The following HYDIN variants were observed in gnomAD, a reference collection of about 807,000 sequenced individuals.
The protein encoded by HYDIN is HYDIN axonemal central pair apparatus protein.
A neutral mutation model predicts 403.9 loss-of-function variants in HYDIN; 132 were observed. The ratio of observed to expected loss-of-function variants is 0.33; its 90% CI spans 0.28 to 0.38. The LOEUF (loss-of-function observed/expected upper bound fraction) is 0.38, where lower values mean the gene tolerates loss of function less well. Among genes scored for constraint, HYDIN ranks in the 10% least tolerant of loss-of-function variants. The pLI, the probability that HYDIN is intolerant of heterozygous loss-of-function variation, is 1.00. For missense variants in HYDIN, 2,827 were observed against 5,009.5 expected (o/e 0.56, Z 13.15); for synonymous variants, 1,202 against 1,891.7 (o/e 0.64, Z 9.46).
chr16:70,902,821 A>ATTTTTT (rs60618592), intron 52 of HYDIN, among the ~76,000 whole-genome samples: 11 of 47,308 alleles, frequency 2.3e-4, no homozygotes, highest in African/African-American at 1.2e-3. Context: ...ATATATATAT[A>ATTTTTT]TTTTTTTTTT....
chr16:71,106,227 C>A (rs1323562147), intron 10 of HYDIN, among the ~76,000 whole-genome samples: 2 of 151,426 alleles, frequency 1.3e-5, no homozygotes, highest in Non-Finnish European at 2.9e-5. Flanking sequence ...ACTTGCAATT[C>A]TTTGCCACTT....
chr16:71,061,078 T>TG (rs1269680983), intron 17 of HYDIN, among the ~76,000 whole-genome samples: 1 of 137,712 alleles, frequency 7.3e-6, no homozygotes. Flanking sequence ...TTGTGAGGGT[T>TG]GGAGATTGAA....
intron 45 of HYDIN, among the ~76,000 whole-genome samples, chr16:70,933,884 T>C (rs2077423432): frequency 6.6e-6 from 1 of 151,980 alleles, no homozygotes; most frequent in Non-Finnish European, 1.5e-5. Context: ...TCCAACCCAT[T>C]ATGTATGATC....
chr16:71,203,865 G>C (rs1448573044), intron 1 of HYDIN: 3 of 453,380 alleles, frequency 6.6e-6, no homozygotes, highest in Non-Finnish European at 1.3e-5. Context: ...AGGAGTTTAA[G>C]ACCAGCCTGT....
chr16:71,022,246 GAGA>G (rs1242771143), intron 21 of HYDIN, among the ~76,000 whole-genome samples: 25 of 152,166 alleles, frequency 1.6e-4, no homozygotes, highest in Admixed American at 1.6e-3. Flanking sequence ...GGCTACTGAT[GAGA>G]AGGAGTCAAG....
intron 50 of HYDIN, among the ~76,000 whole-genome samples, chr16:70,905,388 A>G (rs1271631281): frequency 6.6e-6 from 1 of 152,188 alleles, no homozygotes; most frequent in East Asian, 1.9e-4. Context: ...TCACGCCTGT[A>G]ATCCAGCACT....
chr16:70,885,728 T>C (rs975748449), intron 58 of HYDIN, among the ~76,000 whole-genome samples: 15 of 151,624 alleles, frequency 9.9e-5, no homozygotes, highest in Non-Finnish European at 1.5e-4. Flanking sequence ...GAAGATATGG[T>C]AGGCAAAGAA....
chr16:70,816,209 A>G (rs1442709377), intron 84 of HYDIN, among the ~76,000 whole-genome samples: 4 of 152,200 alleles, frequency 2.6e-5, no homozygotes, highest in African/African-American at 9.6e-5. Context: ...ACACTGGGCC[A>G]TAAAAACAAG....
intron 7 of HYDIN, among the ~76,000 whole-genome samples, chr16:71,141,529 T>A: frequency 6.6e-6 from 1 of 151,604 alleles, no homozygotes; most frequent in East Asian, 1.9e-4. Context: ...TCCAAAAACT[T>A]GACTGTAAAA....
chr16:71,032,164 C>T (rs899113675), intron 18 of HYDIN, among the ~76,000 whole-genome samples: 4 of 151,990 alleles, frequency 2.6e-5, no homozygotes, highest in East Asian at 1.9e-4. Context: ...ACATCTCTTT[C>T]GCAAGATAAC....
At chr16:70,869,716 C>T (rs1273973174) in intron 65 of HYDIN, among the ~76,000 whole-genome samples, 6 of 148,536 alleles carry the variant, frequency 4.0e-5, no homozygotes, top group South Asian at 2.2e-4. Context: ...TACCCAGTCT[C>T]GGGTATGTCT....
intron 10 of HYDIN, among the ~76,000 whole-genome samples, chr16:71,094,634 T>C (rs1391337168): frequency 2.6e-5 from 4 of 152,294 alleles, no homozygotes; most frequent in East Asian, 1.9e-4. Flanking sequence ...TCTTCATGTA[T>C]TGAGGAAGTG....
Position 70,840,275 on chromosome 16 carries a change from T to G in HYDIN, c.12874-42A>C, listed in dbSNP as rs761517154. On this transcript the variant is annotated intron_variant, in intron 75 of 85. Coordinates refer to ENST00000393567, the MANE Select transcript of HYDIN (RefSeq NM_001270974.2). ...GCAGGGGGACCATGATTAGGAGAAGTAGGAGGAGAGGGCTCTTAAGTCCTC... is the reference window on the plus strand; with the variant it reads ...GCAGGGGGACCATGATTAGGAGAAGGAGGAGGAGAGGGCTCTTAAGTCCTC... The G allele has an allele frequency of 4.5e-6, 5 of 1,103,228 alleles. No individual in the cohort carries two copies. In the East Asian group the frequency reaches 1.2e-4, roughly 27 times the overall value. 68.3% of individuals were successfully genotyped at this position (1,103,228 alleles called of 1,614,324 possible).
intron 18 of HYDIN, among the ~76,000 whole-genome samples, chr16:71,039,597 C>T (rs1410179401): frequency 6.6e-6 from 1 of 152,136 alleles, no homozygotes; most frequent in Non-Finnish European, 1.5e-5. Context: ...GGAGAGGCAG[C>T]TGGATGTTGG....
chr16:71,092,692 T>C (rs2083148066), intron 11 of HYDIN, among the ~76,000 whole-genome samples: 1 of 141,594 alleles, frequency 7.1e-6, no homozygotes. Flanking sequence ...GTGATTCTCC[T>C]GCTTCAGTCT....
chr16:70,820,153 G>A (rs1406711382), intron 83 of HYDIN, among the ~76,000 whole-genome samples: 4 of 116,178 alleles, frequency 3.4e-5, no homozygotes, highest in Admixed American at 3.3e-4. Flanking sequence ...AGTGTTTAGT[G>A]TTTTACATTT....
intron 23 of HYDIN, among the ~76,000 whole-genome samples, chr16:71,002,241 G>C (rs1015626314): frequency 6.6e-6 from 1 of 152,158 alleles, no homozygotes; most frequent in Non-Finnish European, 1.5e-5. Context: ...TGTGCTTTTT[G>C]TATCTTGTTT....
chr16:71,139,352 T>A (rs2085076905), intron 7 of HYDIN, among the ~76,000 whole-genome samples: 1 of 151,870 alleles, frequency 6.6e-6, no homozygotes, highest in South Asian at 2.1e-4. Flanking sequence ...CAAAACATAA[T>A]GATGCAATGC....
intron 35 of HYDIN, among the ~76,000 whole-genome samples, chr16:70,971,161 G>C (rs2078721038): frequency 6.6e-6 from 1 of 152,072 alleles, no homozygotes; most frequent in African/African-American, 2.4e-5. Flanking sequence ...GGGAGGGCAG[G>C]GCAAAAATGC....
Sources: gnomAD v4.1 joint callset for allele counts (sites outside exome capture counted in the v4.1 genomes callset) on GRCh38, gnomAD v4.1.1 for gene constraint, MANE v1.5 for transcripts, NCBI Gene and HGNC (gene_info 2026-07-23, HGNC 2026-07-21) for gene names.